Variants in CSMD1 observed in about 807,000 individuals in gnomAD.
The protein encoded by CSMD1 is CUB and sushi domain-containing protein 1.
Under a neutral mutation model 417.5 loss-of-function variants are expected in CSMD1, and 213 were observed. That is an observed-to-expected ratio of 0.51 (90% CI 0.46 to 0.57). The LOEUF (loss-of-function observed/expected upper bound fraction) is 0.57, where lower values mean the gene tolerates loss of function less well. Among genes scored for constraint, CSMD1 ranks in the 20% least tolerant of loss-of-function variants. The probability of loss-of-function intolerance (pLI) is 0.00; values close to 1 mark genes in which losing one functional copy is unlikely to be tolerated. For missense variants in CSMD1, 6,923 were observed against 4,529.7 expected, an observed-to-expected ratio of 1.53 and a Z score of -15.17; for synonymous variants, 2,862 against 1,736.8, an observed-to-expected ratio of 1.65 and a Z score of -16.11.
chr8:4,325,566 C>A (rs1259578850), intron 3 of CSMD1, among the ~76,000 whole-genome samples: 6 of 152,160 alleles, frequency 3.9e-5, no homozygotes, highest in East Asian at 1.9e-4. Flanking sequence ...ACCTTGTTAG[C>A]TTTTCCGGTG....
intron 3 of CSMD1, among the ~76,000 whole-genome samples, chr8:4,166,603 G>T (rs1014664816): frequency 6.6e-6 from 1 of 152,102 alleles, no homozygotes; most frequent in Non-Finnish European, 1.5e-5. Context: ...GGGGACTCAC[G>T]GTGAACTGTA....
At chr8:4,170,344 C>A (rs1042475004) in intron 3 of CSMD1, among the ~76,000 whole-genome samples, 3 of 151,858 alleles carry the variant, frequency 2.0e-5, no homozygotes, top group Non-Finnish European at 4.4e-5. Flanking sequence ...TCATTTCATG[C>A]AGTTCCGTAT....
At chr8:3,438,141 T>C (rs1814697412) in intron 12 of CSMD1, among the ~76,000 whole-genome samples, 1 of 152,230 alleles carries the variant, frequency 6.6e-6, no homozygotes. Context: ...ATTTGGTAAA[T>C]AATTACCATG....
intron 12 of CSMD1, among the ~76,000 whole-genome samples, chr8:3,465,802 G>C (rs897530552): frequency 2.0e-5 from 3 of 152,216 alleles, no homozygotes; most frequent in Admixed American, 1.3e-4. Flanking sequence ...AGATGATGTG[G>C]CATTTCTTGC....
At chr8:3,739,281 C>T (rs531846963) in intron 6 of CSMD1, among the ~76,000 whole-genome samples, 1 of 152,266 alleles carries the variant, frequency 6.6e-6, no homozygotes, top group Non-Finnish European at 1.5e-5. Context: ...TGTAGATTGT[C>T]TTTAGAAAGA....
chr8:4,967,397 A>C (rs1382217087), intron 1 of CSMD1, among the ~76,000 whole-genome samples: 1 of 152,134 alleles, frequency 6.6e-6, no homozygotes, highest in South Asian at 2.1e-4. Flanking sequence ...TTTTGCCTAT[A>C]ATACATATTG....
intron 1 of CSMD1, among the ~76,000 whole-genome samples, chr8:4,794,458 G>A (rs1055288261): frequency 6.6e-6 from 1 of 152,012 alleles, no homozygotes; most frequent in Non-Finnish European, 1.5e-5. Flanking sequence ...GTTCCTCATT[G>A]CTCTTAAAAT....
At chr8:3,711,979 C>G (rs189023889) in intron 6 of CSMD1, among the ~76,000 whole-genome samples, 1 of 152,178 alleles carries the variant, frequency 6.6e-6, no homozygotes, top group South Asian at 2.1e-4. Flanking sequence ...TGCGAATAGA[C>G]AGGACCTATC....
chr8:4,040,669 A>T (rs1428586342), intron 3 of CSMD1, among the ~76,000 whole-genome samples: 3 of 152,180 alleles, frequency 2.0e-5, no homozygotes, highest in Non-Finnish European at 2.9e-5. Flanking sequence ...GTTTTAAAAA[A>T]CATGTTTCAA....
chr8:4,402,311 C>T (rs987867052), intron 3 of CSMD1, among the ~76,000 whole-genome samples: 1 of 151,990 alleles, frequency 6.6e-6, no homozygotes, highest in Non-Finnish European at 1.5e-5. Flanking sequence ...TCCTCTTTCC[C>T]TCCTTCAAAT....
chr8:4,259,232 C>G (rs987528666), intron 3 of CSMD1, among the ~76,000 whole-genome samples: 1 of 152,134 alleles, frequency 6.6e-6, no homozygotes, highest in Admixed American at 6.5e-5. Flanking sequence ...AGAGAGAATG[C>G]GGGACACAGA....
intron 7 of CSMD1, among the ~76,000 whole-genome samples, chr8:3,642,328 C>A (rs914034907): frequency 1.3e-5 from 2 of 151,990 alleles, no homozygotes; most frequent in South Asian, 4.2e-4. Context: ...TTGCTCTTTC[C>A]CACCTTGGTG....
intron 7 of CSMD1, among the ~76,000 whole-genome samples, chr8:3,666,178 G>A (rs1009482956): frequency 2.0e-5 from 3 of 152,192 alleles, no homozygotes; most frequent in African/African-American, 7.2e-5. Context: ...TTACAGGCAT[G>A]AGCCACCACG....
intron 5 of CSMD1, among the ~76,000 whole-genome samples, chr8:3,790,076 G>T (rs1056567356): frequency 2.6e-5 from 4 of 152,120 alleles, no homozygotes; most frequent in African/African-American, 9.7e-5. Context: ...TGTCAATGAA[G>T]GTCCATTATA....
chr8:4,147,300 G>C (rs149417174), intron 3 of CSMD1, among the ~76,000 whole-genome samples: 1 of 152,048 alleles, frequency 6.6e-6, no homozygotes, highest in African/African-American at 2.4e-5. Context: ...AGTTCCCAGC[G>C]GGGAAGGGGA....
chr8:4,089,820 G>A (rs745899515), intron 3 of CSMD1, among the ~76,000 whole-genome samples: 1 of 152,100 alleles, frequency 6.6e-6, no homozygotes, highest in Non-Finnish European at 1.5e-5. Flanking sequence ...GGTCTTGGAG[G>A]GTGAGAGCTG....
chr8:4,556,187 GACA>G (rs1416752254), intron 2 of CSMD1, among the ~76,000 whole-genome samples: 1 of 152,014 alleles, frequency 6.6e-6, no homozygotes, highest in African/African-American at 2.4e-5. Context: ...TTGAATTTAC[GACA>G]ACATTTTATT....
intron 3 of CSMD1, among the ~76,000 whole-genome samples, chr8:4,402,800 CTTTT>C (rs60965667): frequency 3.4e-5 from 3 of 89,368 alleles, no homozygotes; most frequent in African/African-American, 1.1e-4. Context: ...TCACTTTTTT[CTTTT>C]TTTTTTTTTT....
chr8:4,851,390 T>C (rs1801471914), intron 1 of CSMD1, among the ~76,000 whole-genome samples: 1 of 152,108 alleles, frequency 6.6e-6, no homozygotes, highest in South Asian at 2.1e-4. Context: ...ATTCCTGCTT[T>C]TCCTTTTTTG....
Sources: gnomAD v4.1 joint callset for allele counts (sites outside exome capture counted in the v4.1 genomes callset) on GRCh38, gnomAD v4.1.1 for gene constraint, MANE v1.5 for transcripts, NCBI Gene and HGNC (gene_info 2026-07-23, HGNC 2026-07-21) for gene names.